The following DNAAF2 variants were observed in gnomAD, a reference collection of about 807,000 sequenced individuals.
DNAAF2 encodes the protein dynein axonemal assembly factor 2.
Under a neutral mutation model 48.8 loss-of-function variants are expected in DNAAF2, and 58 were observed. That is an observed-to-expected ratio of 1.19 (90% CI 0.96 to 1.48). The LOEUF is 1.48. DNAAF2 is among the 40% of genes most tolerant of loss of function. The pLI is 0.00. For missense variants in DNAAF2, 1,241 were observed against 1,116.1 expected (o/e 1.11, Z -1.59); for synonymous variants, 567 against 481.2 (o/e 1.18, Z -2.33).
In DNAAF2 at chr14:49,633,937, C is replaced by G; in HGVS notation, c.1213G>C (p.Ala405Pro). ...AEDGGHDTCV[A>P]GAAGSGVTTL... ...GTGACCCCGGAGCCCGCAGCCCCAG[C>G]CACGCAGGTATCGTGGCCTCCGTCC... Residue 405 changes from alanine to proline, a missense_variant, in exon 1 of 3, where the codon GCT (alanine) becomes CCT (proline). Coordinates refer to ENST00000298292, the MANE Select transcript of DNAAF2 (RefSeq NM_018139.3). 1.3e-6 allele frequency: 2 copies of G among 1,531,300 alleles called. No homozygotes were observed. Among genetic ancestry groups the G allele is most frequent in the South Asian group, 2.4e-5 (2 of 83,738 alleles). The allele number at this position is 1,531,300 out of a possible 1,614,324, so 94.9% of individuals were successfully genotyped here.
At chr14:49,630,258 T>TAAATAAATAAATA (rs1171291437) in intron 1 of DNAAF2, among the ~76,000 whole-genome samples, 1 of 151,084 alleles carries the variant, frequency 6.6e-6, no homozygotes, top group South Asian at 2.1e-4. Flanking sequence ...AATAAATAAA[T>TAAATAAATAAATA]AATGAGGTAG....
chr14:49,633,644 G>A lies in DNAAF2; in HGVS notation c.1506C>T (p.Gly502=), dbSNP rs1024397176. The change falls in exon 1 of 3, where the codon GGC becomes GGT. Residue 502 remains glycine (G), a synonymous_variant. Transcript: ENST00000298292. ...VETREESEGT[G]GQRSACAMGG... is the part of the protein sequence containing the mutation. ...CCATGGCGCAGGCTGAGCGCTGGCC[G>A]CCCGTGCCCTCCGACTCCTCGCGTG... The A allele has an allele frequency of 1.9e-6, 3 of 1,612,690 alleles. No homozygotes were observed. Among genetic ancestry groups the A allele is most frequent in the East Asian group, 2.2e-5 (1 of 44,866 alleles).
rs1194406232 is a variant in DNAAF2 at position 49,634,061 on chromosome 14, G to A, written c.1089C>T (p.Ala363=). Residue 363 remains alanine (A), a synonymous_variant, in exon 1 of 3, where the codon GCC becomes GCT. Transcript: ENST00000298292. ...GGTCCGCGGACTCTTCCGGCGCGGC[G>A]GCGGCGACGGCGACAGCGGGCTCCC... The part of the protein sequence containing the change: ...ARREPAVAVA[A]AAPEESADRS... The A allele has an allele frequency of 6.6e-7, 1 of 1,524,190 alleles. No homozygotes were observed. Among genetic ancestry groups the A allele is most frequent in the Admixed American group, 2.1e-5 (1 of 47,870 alleles). 94.4% of individuals were successfully genotyped at this position (1,524,190 alleles called of 1,614,324 possible).
Position 49,635,111 on chromosome 14 carries a change from CA to C in DNAAF2, c.38del (p.Leu13TrpfsTer3). The C allele has an allele frequency of 6.4e-7, 1 of 1,573,762 alleles. No individual in the cohort carries two copies. The highest frequency in any genetic ancestry group is 8.6e-7 in the Non-Finnish European group (1 of 1,160,482). On this transcript the variant is annotated frameshift_variant, in exon 1 of 3. Coordinates refer to ENST00000298292, the MANE Select transcript of DNAAF2 (RefSeq NM_018139.3). LOFTEE classifies it high-confidence loss of function. Reference protein sequence around the residue: ...KAAASSSLEDLDLSGEEVQRL... With the variant: ...KAAASSSLEDXDLSGEEVQRL... ...GCTGGACCTCCTCTCCGCTCAGGTC[CA>C]AGTCCTCCAGCGACGAGGAGGCCGC...
In DNAAF2 at chr14:49,633,451, C is replaced by G. The variant is rs764410458; in HGVS notation, c.1699G>C (p.Val567Leu). The change falls in exon 1 of 3, where the codon GTT (valine) becomes CTT (leucine). Residue 567 changes from valine to leucine, a missense_variant. Coordinates refer to ENST00000298292, the MANE Select transcript of DNAAF2 (RefSeq NM_018139.3). ...YKLRFSAQDL[V>L]YSFFLQFAPE... ...GCAAATTGCAAAAAGAAGGAATAAA[C>G]TAAGTCTTGTGCGGAGAAGCGTAAT... 1.2e-6 allele frequency: 2 copies of G among 1,614,072 alleles called. No homozygotes were observed. Among genetic ancestry groups the G allele is most frequent in the South Asian group, 1.1e-5 (1 of 91,090 alleles).
rs9989177 is a variant in DNAAF2 at position 49,625,753 on chromosome 14, T to C, written c.2303A>G (p.Asp768Gly). Residue 768 changes from aspartate to glycine, a missense_variant, in exon 3 of 3, where the codon GAT (aspartate) becomes GGT (glycine). By Grantham distance (94) the Asp-to-Gly change is moderately conservative. Coordinates refer to ENST00000298292, the MANE Select transcript of DNAAF2 (RefSeq NM_018139.3). Reference protein sequence around the residue: ...KSATCSNEEKDNLNESVITEE... With the variant: ...KSATCSNEEKGNLNESVITEE... ...AGTTATTACTGACTCGTTTAAGTTATCTTTTTCCTCATTTGAACAAGTAGC... is the reference window on the plus strand; with the variant it reads ...AGTTATTACTGACTCGTTTAAGTTACCTTTTTCCTCATTTGAACAAGTAGC... 799,371 of 1,611,812 alleles carry C rather than the reference T, an allele frequency of 0.5. 208,461 individuals are homozygous for C. The highest frequency in any genetic ancestry group is 0.54 in the Non-Finnish European group (633,384 of 1,179,172).
In DNAAF2 at chr14:49,633,970, G is replaced by T; in HGVS notation, c.1180C>A (p.Arg394Ser). Residue 394 changes from arginine to serine, a missense_variant, in exon 1 of 3, where the codon CGC (arginine) becomes AGC (serine). Physicochemically the swap from Arg to Ser is moderately radical, Grantham distance 110. Transcript: ENST00000298292. ...GTATCGTGGCCTCCGTCCTCCGCGCGACTCCTCGCGGGTCCCGCCTCCCCC... is the reference window on the plus strand; with the variant it reads ...GTATCGTGGCCTCCGTCCTCCGCGCTACTCCTCGCGGGTCCCGCCTCCCCC... ...REGEAGPARS[R>S]AEDGGHDTCV... The T allele has an allele frequency of 6.6e-7, 1 of 1,526,484 alleles. No homozygotes were observed. The highest frequency in any genetic ancestry group is 8.7e-7 in the Non-Finnish European group (1 of 1,143,162). 94.6% of individuals were successfully genotyped at this position (1,526,484 alleles called of 1,614,324 possible). A position where few individuals can be genotyped will look rare whatever the true frequency, so the allele number is the denominator to read the frequency against.
At chr14:49,629,058 G>C (rs566387184) in intron 1 of DNAAF2, among the ~76,000 whole-genome samples, 95 of 152,170 alleles carry the variant, frequency 6.2e-4, no homozygotes, top group African/African-American at 2.2e-3. Context: ...GACCTCCCAG[G>C]CTCAAGTGAT....
At position 49,634,272 on chromosome 14, in the gene DNAAF2, C is replaced by A; in HGVS notation, c.878G>T (p.Arg293Leu). 1 of 1,612,186 alleles carries A rather than the reference C, an allele frequency of 6.2e-7. No individual in the cohort carries two copies. Among genetic ancestry groups the A allele is most frequent in the Non-Finnish European group, 8.5e-7 (1 of 1,179,796 alleles). Reference protein sequence around the residue: ...LVITIELPLLRSAEQAALEVT... With the variant: ...LVITIELPLLLSAEQAALEVT... ...CTCCAGCGCCGCCTGCTCGGCCGAG[C>A]GCAACAGCGGCAGTTCGATGGTGAT... The change falls in exon 1 of 3, where the codon CGC becomes CTC. Residue 293 changes from arginine to leucine, a missense_variant. Arg to Leu is a moderately radical substitution (Grantham distance 102). Transcript: ENST00000298292.
intron 2 of DNAAF2, among the ~76,000 whole-genome samples, 185 bp from the exon 3 acceptor site, chr14:49,626,233 A>C (rs536374977): frequency 1.3e-5 from 2 of 152,298 alleles, no homozygotes; most frequent in African/African-American, 4.8e-5. Context: ...CATGCCTGTA[A>C]TCCCAGCACT....
chr14:49,626,574 C>T (rs1399802158), intron 2 of DNAAF2, among the ~76,000 whole-genome samples: 1 of 150,252 alleles, frequency 6.7e-6, no homozygotes, highest in African/African-American at 2.5e-5. Flanking sequence ...CTGGCACAAT[C>T]TCAGCTGACT....
rs1452350738 is a variant in DNAAF2, at chr14:49,633,492, T to G, written c.1658A>C (p.Asn553Thr). The change falls in exon 1 of 3, where the codon AAT (asparagine) becomes ACT (threonine). Residue 553 changes from asparagine (N) to threonine (T), a missense_variant. Coordinates refer to ENST00000298292, the MANE Select transcript of DNAAF2 (RefSeq NM_018139.3). The part of the protein sequence containing the change: ...IQPQSLQGDL[N>T]PLWYKLRFSA... ...GAAGCGTAATTTGTACCAGAGGGGA[T>G]TCAAATCTCCTTGAAGACTTTGCGG... The G allele has an allele frequency of 6.2e-7, 1 of 1,614,022 alleles. No individual in the cohort carries two copies. Among genetic ancestry groups the G allele is most frequent in the Non-Finnish European group, 8.5e-7 (1 of 1,179,882 alleles).
At chr14:49,631,049 A>T (rs1009995370) in intron 1 of DNAAF2, among the ~76,000 whole-genome samples, 1 of 152,128 alleles carries the variant, frequency 6.6e-6, no homozygotes, top group Non-Finnish European at 1.5e-5. Context: ...ACGCCTGGCT[A>T]CGTATTTTTC....
chr14:49,625,408 A>G lies in DNAAF2; in HGVS notation c.*134T>C. ...TTTCCCCCATGAGAATCAAAATTGC[A>G]ATTTTTTAAAAAAAATTGCAAATTT... On this transcript the variant is annotated 3_prime_UTR_variant, in exon 3 of 3. Coordinates refer to ENST00000298292, the MANE Select transcript of DNAAF2 (RefSeq NM_018139.3). The G allele has an allele frequency of 1.5e-6, 1 of 656,112 alleles. No homozygotes were observed. Among genetic ancestry groups the G allele is most frequent in the Non-Finnish European group, 2.2e-6 (1 of 458,444 alleles). The allele number at this position is 656,112 out of a possible 1,614,324, so 40.6% of individuals were successfully genotyped here.
Position 49,633,692 on chromosome 14 carries a change from C to G in DNAAF2, c.1458G>C (p.Ala486=). ...AWGSSAGRES[A]RGDSSVETRE... ...GTGTTTCCACACTGCTATCTCCGCG[C>G]GCACTCTCTCTTCCCGCAGAAGAAC... Residue 486 remains alanine, a synonymous_variant, in exon 1 of 3, where the codon GCG becomes GCC. Transcript: ENST00000298292. 1 of 1,605,008 alleles carries G rather than the reference C, an allele frequency of 6.2e-7. No individual in the cohort carries two copies. The highest frequency in any genetic ancestry group is 8.5e-7 in the Non-Finnish European group (1 of 1,174,140).
chr14:49,634,419 G>T lies in DNAAF2; in HGVS notation c.731C>A (p.Ala244Glu), dbSNP rs112700048. Reference sequence around the variant, plus strand: ...CTCGGTGGGGGCGGGCTGCAAGGCCGCTTCCGGAGGGGAGGGCGCCCGGGG... The same window carrying T: ...CTCGGTGGGGGCGGGCTGCAAGGCCTCTTCCGGAGGGGAGGGCGCCCGGGG... ...PGPRAPSPPEAALQPAPTEPR... is the reference protein window; with the variant it reads ...PGPRAPSPPEEALQPAPTEPR... Residue 244 changes from alanine to glutamate, a missense_variant, in exon 1 of 3, where the codon GCG becomes GAG. By Grantham distance (107) the Ala-to-Glu change is moderately radical. Transcript: ENST00000298292. 1.1e-4 allele frequency: 178 copies of T among 1,569,946 alleles called. No individual in the cohort carries two copies. In the African/African-American group the frequency reaches 2.2e-3, roughly 19 times the overall value.
At chr14:49,626,353 T>C (rs2139572193) in intron 2 of DNAAF2, among the ~76,000 whole-genome samples, 1 of 152,128 alleles carries the variant, frequency 6.6e-6, no homozygotes, top group African/African-American at 2.4e-5. Flanking sequence ...CCGGGTGTGG[T>C]GGAGCACACC....
rs1883242764 is a variant in DNAAF2 at position 49,633,893 on chromosome 14, C to T, written c.1257G>A (p.Glu419=). 1.3e-6 allele frequency: 2 copies of T among 1,534,848 alleles called. No individual in the cohort carries two copies. Among genetic ancestry groups the T allele is most frequent in the Non-Finnish European group, 1.7e-6 (2 of 1,146,790 alleles). ...CAGCTGCGGCCGGCGGAGGCGCCAC[C>T]TCCGGGTCGCCCAGGGTGGTGACCC... ...GSGVTTLGDP[E]VAPPPAAAGE... is the part of the protein sequence containing the mutation. Residue 419 remains glutamate (E), a synonymous_variant, in exon 1 of 3, where the codon GAG becomes GAA. Coordinates refer to ENST00000298292, the MANE Select transcript of DNAAF2 (RefSeq NM_018139.3).
At chr14:49,626,817 T>C (rs1448967844) in intron 2 of DNAAF2, among the ~76,000 whole-genome samples, 1 of 143,782 alleles carries the variant, frequency 7.0e-6, no homozygotes, top group East Asian at 2.0e-4. Context: ...TTTTTTTTTT[T>C]TTTTTTGAGA....
Sources: gnomAD v4.1 joint callset for allele counts (sites outside exome capture counted in the v4.1 genomes callset) on GRCh38, gnomAD v4.1.1 for gene constraint, MANE v1.5 for transcripts, NCBI Gene and HGNC (gene_info 2026-07-23, HGNC 2026-07-21) for gene names.